QTGAL: variants seen among roughly 807,000 people sequenced by gnomAD.
The protein encoded by QTGAL is queuosine-tRNA galactosyltransferase, also known as BGnT-like protein 1.
At chr17:82,998,533 G>C in the QTGAL span, among the ~76,000 whole-genome samples, 1 of 152,086 alleles carries the variant, frequency 6.6e-6, no homozygotes, top group Non-Finnish European at 1.5e-5. Flanking sequence ...TTTTAGTAGA[G>C]ATGGGGTGTC....
chr17:83,030,395 C>T, the QTGAL span, among the ~76,000 whole-genome samples: 3 of 152,250 alleles, frequency 2.0e-5, no homozygotes, highest in East Asian at 1.9e-4. Context: ...AAGGGATTAG[C>T]GGAGAAGGAG....
At chr17:82,966,900 C>T in the QTGAL span, among the ~76,000 whole-genome samples, 1 of 152,178 alleles carries the variant, frequency 6.6e-6, no homozygotes, top group Non-Finnish European at 1.5e-5. Flanking sequence ...CAGGCTGGGA[C>T]AAAACATTTG....
the QTGAL span, chr17:82,943,483 G>A: frequency 6.6e-6 from 1 of 152,296 alleles, no homozygotes; most frequent in Non-Finnish European, 1.5e-5. Flanking sequence ...GAGGAGCCCA[G>A]GGGTGCCATG....
the QTGAL span, among the ~76,000 whole-genome samples, chr17:82,986,682 T>C: frequency 6.6e-6 from 1 of 152,242 alleles, no homozygotes; most frequent in Non-Finnish European, 1.5e-5. Context: ...AATGGAATAG[T>C]TGATGCCGTC....
At chr17:82,995,857 G>A in the QTGAL span, among the ~76,000 whole-genome samples, 3 of 152,034 alleles carry the variant, frequency 2.0e-5, no homozygotes, top group Non-Finnish European at 2.9e-5. Flanking sequence ...TTAAAGAAGA[G>A]TAATCTCATT....
the QTGAL span, among the ~76,000 whole-genome samples, chr17:83,029,255 A>T: frequency 6.6e-6 from 1 of 152,256 alleles, no homozygotes; most frequent in Admixed American, 6.5e-5. Context: ...ACCTGAATAA[A>T]CTATAATGAG....
the QTGAL span, among the ~76,000 whole-genome samples, chr17:82,960,850 C>A: frequency 1.4e-4 from 21 of 152,260 alleles, no homozygotes; most frequent in Non-Finnish European, 2.9e-4. Flanking sequence ...CGCTCCCTGG[C>A]GCCCTTGGGA....
the QTGAL span, among the ~76,000 whole-genome samples, chr17:83,032,861 A>G: frequency 1.3e-5 from 2 of 152,156 alleles, no homozygotes; most frequent in Non-Finnish European, 2.9e-5. Context: ...TGGGCCGATA[A>G]ATATGCAGTT....
the QTGAL span, chr17:82,981,516 T>C: frequency 1.3e-5 from 2 of 152,406 alleles, no homozygotes; most frequent in Admixed American, 1.3e-4. Flanking sequence ...CCTTCACCCA[T>C]TATCTTCATG....
At chr17:82,970,496 TGAG>T in the QTGAL span, among the ~76,000 whole-genome samples, 3 of 132,968 alleles carry the variant, frequency 2.3e-5, no homozygotes, top group Non-Finnish European at 3.1e-5. Flanking sequence ...GAGGACGACC[TGAG>T]AAAACAAACA....
At chr17:83,033,774 G>T in the QTGAL span, among the ~76,000 whole-genome samples, 1 of 151,288 alleles carries the variant, frequency 6.6e-6, no homozygotes, top group South Asian at 2.1e-4. Context: ...CCCGGCCTAA[G>T]TTATCTACAT....
chr17:83,006,230 G>A, the QTGAL span: 12 of 985,550 alleles, frequency 1.2e-5, no homozygotes, highest in Admixed American at 1.2e-4. This position sits in a 1 kb window ranked among gnomAD's most constrained non-coding sequence, Gnocchi z 5.8. Flanking sequence ...TAACTCTGAA[G>A]CGATGAAGTC....
the QTGAL span, among the ~76,000 whole-genome samples, chr17:82,991,190 A>G: frequency 6.6e-6 from 1 of 152,214 alleles, no homozygotes; most frequent in Non-Finnish European, 1.5e-5. Context: ...TTTCTTAGAT[A>G]CAACATCAAA....
chr17:82,965,436 G>C, the QTGAL span, among the ~76,000 whole-genome samples: 2 of 152,210 alleles, frequency 1.3e-5, no homozygotes, highest in African/African-American at 4.8e-5. Context: ...GGCACCCACA[G>C]CCTTCATGCA....
At chr17:83,006,189 T>C in the QTGAL span, 1 of 985,986 alleles carries the variant, frequency 1.0e-6, no homozygotes, top group Non-Finnish European at 1.2e-6. The surrounding 1 kb of genome is among the most constrained non-coding windows in gnomAD (Gnocchi z 5.8). Flanking sequence ...GTAACTGTGG[T>C]CCAAAGAGTG....
chr17:83,013,426 C>T, the QTGAL span, among the ~76,000 whole-genome samples: 7 of 126,302 alleles, frequency 5.5e-5, no homozygotes, highest in South Asian at 2.2e-3. Flanking sequence ...CAAACCCCCA[C>T]ACCCTTTCCC....
At chr17:82,974,271 G>A in the QTGAL span, among the ~76,000 whole-genome samples, 4 of 152,208 alleles carry the variant, frequency 2.6e-5, no homozygotes, top group Non-Finnish European at 4.4e-5. Context: ...GAGGCCGCCC[G>A]GGTGGCCGGC....
the QTGAL span, among the ~76,000 whole-genome samples, chr17:83,038,613 C>T: frequency 9.9e-5 from 15 of 152,172 alleles, no homozygotes; most frequent in Non-Finnish European, 2.2e-4. Flanking sequence ...AATCCCAGCA[C>T]TGTGGGAGGC....
chr17:82,975,812 G>A, the QTGAL span, among the ~76,000 whole-genome samples: 1 of 110,580 alleles, frequency 9.0e-6, no homozygotes, highest in East Asian at 2.9e-4. Context: ...ATCCTCCCAG[G>A]GGCCGGAGGC....
Sources: allele counts gnomAD v4.1 joint callset (sites outside exome capture counted in the v4.1 genomes callset), GRCh38; gene constraint gnomAD v4.1.1; non-coding constraint Gnocchi (gnomAD v3.1); transcripts MANE v1.5; gene names NCBI Gene and HGNC (gene_info 2026-07-23, HGNC 2026-07-21).